GLI3: variants seen among roughly 807,000 people sequenced by gnomAD.
The protein encoded by GLI3 is transcription activator GLI3.
A neutral mutation model predicts 100.8 loss-of-function variants in GLI3; 20 were observed. The ratio of observed to expected loss-of-function variants is 0.20; its 90% CI spans 0.14 to 0.29. The LOEUF is 0.29. Ranked by LOEUF, GLI3 falls within the 10% of genes least tolerant of loss-of-function variation. The pLI is 1.00. For missense variants in GLI3, 2,040 were observed against 2,128.5 expected (o/e 0.96, Z 0.82); for synonymous variants, 938 against 860.5 (o/e 1.09, Z -1.58).
At chr7:41,987,483 T>G (rs924892566) in intron 10 of GLI3, among the ~76,000 whole-genome samples, 2 of 152,152 alleles carry the variant, frequency 1.3e-5, no homozygotes, top group African/African-American at 4.8e-5. Flanking sequence ...CATATTTTTA[T>G]GATACAGTAT....
intron 8 of GLI3, 136 bp from the exon 9 acceptor site, chr7:42,025,513 C>T: frequency 1.4e-6 from 1 of 712,900 alleles, no homozygotes; most frequent in Non-Finnish European, 2.5e-6. Context: ...ATTCTCCAAT[C>T]CCAGTGTAAG....
chr7:42,263,865 A>C (rs189911728), intron 1 of GLI3, among the ~76,000 whole-genome samples: 1 of 152,316 alleles, frequency 6.6e-6, no homozygotes, highest in East Asian at 1.9e-4. Context: ...GCTATGAAAC[A>C]TACAACAACA....
chr7:42,064,548 C>T (rs1317143158), intron 4 of GLI3, among the ~76,000 whole-genome samples: 2 of 152,142 alleles, frequency 1.3e-5, no homozygotes, highest in Non-Finnish European at 2.9e-5. Context: ...TTTGAGTTTG[C>T]TGGAATTACA....
intron 1 of GLI3, among the ~76,000 whole-genome samples, chr7:42,251,406 G>C (rs2128710407): frequency 6.6e-6 from 1 of 152,366 alleles, no homozygotes; most frequent in African/African-American, 2.4e-5. Context: ...ACAGGAGGCA[G>C]AGCTTAGGCG....
intron 10 of GLI3, among the ~76,000 whole-genome samples, chr7:41,980,506 A>G (rs1479745557): frequency 6.6e-6 from 1 of 151,900 alleles, no homozygotes; most frequent in Non-Finnish European, 1.5e-5. Flanking sequence ...ATACAAAAAC[A>G]CTCCCTAACA....
At chr7:42,130,753 A>C (rs962192051) in intron 3 of GLI3, among the ~76,000 whole-genome samples, 2 of 152,232 alleles carry the variant, frequency 1.3e-5, no homozygotes, top group Admixed American at 6.5e-5. Context: ...TAACGAATGA[A>C]TCTTCAGATT....
intron 3 of GLI3, among the ~76,000 whole-genome samples, chr7:42,122,903 G>C (rs578147906): frequency 6.6e-6 from 1 of 152,298 alleles, no homozygotes; most frequent in East Asian, 1.9e-4. Context: ...GAACACGCAA[G>C]AGTGTCTTTT....
chr7:42,161,749 T>C (rs1033799834), intron 2 of GLI3, among the ~76,000 whole-genome samples: 4 of 152,214 alleles, frequency 2.6e-5, no homozygotes, highest in African/African-American at 4.8e-5. Flanking sequence ...CATTTGTTAA[T>C]AGGGATGAAA....
At chr7:42,229,852 G>C (rs1390480899) in intron 1 of GLI3, among the ~76,000 whole-genome samples, 2 of 152,256 alleles carry the variant, frequency 1.3e-5, no homozygotes, top group East Asian at 3.9e-4. Flanking sequence ...GAAATAGTCT[G>C]AGTTTCAATG....
chr7:42,164,903 C>A (rs571365756), intron 2 of GLI3, among the ~76,000 whole-genome samples: 1 of 147,358 alleles, frequency 6.8e-6, no homozygotes, highest in Admixed American at 6.8e-5. Context: ...GTAATGAAAT[C>A]TTTCATTCTA....
At chr7:42,235,391 T>C (rs965610075) in intron 1 of GLI3, among the ~76,000 whole-genome samples, 6 of 152,180 alleles carry the variant, frequency 3.9e-5, no homozygotes, top group Non-Finnish European at 7.3e-5. Context: ...CTGCCTTAAA[T>C]AGACTGAAAA....
At chr7:42,171,132 A>G (rs1562770347) in intron 2 of GLI3, among the ~76,000 whole-genome samples, 1 of 152,208 alleles carries the variant, frequency 6.6e-6, no homozygotes, top group Non-Finnish European at 1.5e-5. Context: ...TTAGCTTCTA[A>G]TAAGTGTTAG....
chr7:42,036,413 A>G (rs1178719117), intron 7 of GLI3, among the ~76,000 whole-genome samples: 3 of 152,244 alleles, frequency 2.0e-5, no homozygotes, highest in Non-Finnish European at 4.4e-5. Flanking sequence ...GAGAGAATGC[A>G]GGTGTCACAG....
intron 2 of GLI3, among the ~76,000 whole-genome samples, chr7:42,219,164 T>A (rs912318678): frequency 1.3e-5 from 2 of 152,238 alleles, no homozygotes; most frequent in Non-Finnish European, 2.9e-5. Flanking sequence ...ATACCTAAGA[T>A]CTGCATGCAT....
intron 3 of GLI3, among the ~76,000 whole-genome samples, chr7:42,129,307 A>T (rs2128775894): frequency 6.6e-6 from 1 of 152,328 alleles, no homozygotes; most frequent in East Asian, 1.9e-4. Context: ...CAGAATTAGG[A>T]TTTGAACTGA....
chr7:42,125,478 C>T (rs766112778), intron 3 of GLI3, among the ~76,000 whole-genome samples: 3 of 152,296 alleles, frequency 2.0e-5, no homozygotes, highest in Middle Eastern at 3.4e-3. Flanking sequence ...TCGGCTCCAG[C>T]GGACACCACT....
chr7:42,237,581 C>T (rs369265546), upstream of GLI3, among the ~76,000 whole-genome samples: 6 of 151,936 alleles, frequency 3.9e-5, no homozygotes, highest in East Asian at 9.9e-4. Context: ...TCCTCCTCCT[C>T]CCCGCGCTCC....
At chr7:41,978,020 TTTCAGA>T (rs1056212660) in intron 11 of GLI3, 86 of 459,056 alleles carry the variant, frequency 1.9e-4, no homozygotes, top group Non-Finnish European at 3.3e-4. Context: ...TTCCCACTGA[TTTCAGA>T]TTCAGCACAA....
At chr7:42,100,670 G>A (rs1334631768) in intron 3 of GLI3, among the ~76,000 whole-genome samples, 1 of 152,026 alleles carries the variant, frequency 6.6e-6, no homozygotes, top group African/African-American at 2.4e-5. Flanking sequence ...TGAAGCCAGG[G>A]GGCGAAGGTT....
Sources: gnomAD v4.1 joint callset for allele counts (sites outside exome capture counted in the v4.1 genomes callset) on GRCh38, gnomAD v4.1.1 for gene constraint, MANE v1.5 for transcripts, NCBI Gene and HGNC (gene_info 2026-07-23, HGNC 2026-07-21) for gene names.